CNTN5: variants seen among roughly 807,000 people sequenced by gnomAD.
The protein encoded by CNTN5 is contactin 5.
Under a neutral mutation model 129.1 loss-of-function variants are expected in CNTN5, and 77 were observed. The observed-to-expected ratio is 0.60, with a 90% CI of 0.50 to 0.72. CNTN5 has a LOEUF of 0.72. CNTN5 is among the 30% of genes least tolerant of loss of function. The pLI is 0.00. For missense variants in CNTN5, 1,478 were observed against 1,328.8 expected (o/e 1.11, Z -1.75); for synonymous variants, 509 against 465.6 (o/e 1.09, Z -1.20).
intron 3 of CNTN5, among the ~76,000 whole-genome samples, chr11:99,621,852 G>A (rs1191883956): frequency 6.6e-6 from 1 of 152,180 alleles, no homozygotes; most frequent in African/African-American, 2.4e-5. Context: ...ACATTTACCA[G>A]TGAGTATAGA....
At chr11:99,590,109 G>T (rs7931769) in intron 3 of CNTN5, among the ~76,000 whole-genome samples, 48,686 of 151,926 alleles carry the variant, frequency 0.32, 8,096 homozygotes, top group African/African-American at 0.41. Flanking sequence ...AGATGAACAG[G>T]CCTCTATGTA....
At chr11:100,127,365 C>T (rs1025938714) in intron 13 of CNTN5, among the ~76,000 whole-genome samples, 1 of 151,894 alleles carries the variant, frequency 6.6e-6, no homozygotes, top group Admixed American at 6.6e-5. Flanking sequence ...CCTTTGAAAG[C>T]AGTTATACGT....
At chr11:100,252,772 T>A (rs1013565695) in intron 16 of CNTN5, among the ~76,000 whole-genome samples, 16 of 152,280 alleles carry the variant, frequency 1.1e-4, no homozygotes, top group African/African-American at 3.4e-4. Flanking sequence ...TGGATCTCTC[T>A]CTCCACAGAC....
chr11:99,914,896 T>C (rs1462433915), intron 6 of CNTN5, among the ~76,000 whole-genome samples: 1 of 152,122 alleles, frequency 6.6e-6, no homozygotes, highest in Non-Finnish European at 1.5e-5. Flanking sequence ...TAGATTGTTA[T>C]AGACTAGTAA....
rs900091054 is a variant in CNTN5, at chr11:99,763,715, G to T, written c.56-55829G>T. On this transcript the variant is annotated intron_variant, in intron 3 of 24. Coordinates refer to ENST00000524871, the MANE Select transcript of CNTN5 (RefSeq NM_014361.4). ...AATTTAAGCAGCTGCTTACAAAAAAGATTATATTGATAACTTAATCCTAAA... is the reference window on the plus strand; with the variant it reads ...AATTTAAGCAGCTGCTTACAAAAAATATTATATTGATAACTTAATCCTAAA... Among the ~76,000 whole-genome samples the T allele has an allele frequency of 1.5e-4, 23 of 152,098 alleles. No individual in the cohort carries two copies. The South Asian group carries it at 4.6e-3, about 30-fold the overall frequency.
intron 9 of CNTN5, among the ~76,000 whole-genome samples, chr11:100,023,484 CTGAGACACCTACAGTGACAT>C (rs1336109916): frequency 1.3e-5 from 2 of 152,206 alleles, no homozygotes; most frequent in Non-Finnish European, 2.9e-5. Flanking sequence ...TTTTTTACAA[CTGAGACACCTACAGTGACAT>C]ATTATTATCA....
At chr11:99,638,806 C>A (rs912595331) in intron 3 of CNTN5, among the ~76,000 whole-genome samples, 1 of 152,168 alleles carries the variant, frequency 6.6e-6, no homozygotes, top group South Asian at 2.1e-4. Flanking sequence ...TACAGCCTCC[C>A]TCCCAGCTGC....
chr11:99,904,542 T>C (rs189957046), intron 6 of CNTN5, among the ~76,000 whole-genome samples: 71 of 152,320 alleles, frequency 4.7e-4, no homozygotes, highest in African/African-American at 1.7e-3. Flanking sequence ...AGTCTATCAT[T>C]GATGGGCATT....
At chr11:99,935,954 T>G (rs1950307404) in intron 7 of CNTN5, among the ~76,000 whole-genome samples, 2 of 152,144 alleles carry the variant, frequency 1.3e-5, no homozygotes, top group African/African-American at 4.8e-5. Context: ...TCACTTTTAG[T>G]TTTATAGAGG....
chr11:99,681,024 A>G (rs977233148), intron 3 of CNTN5, among the ~76,000 whole-genome samples: 1 of 151,980 alleles, frequency 6.6e-6, no homozygotes, highest in African/African-American at 2.4e-5. Flanking sequence ...GTAACTGAAG[A>G]TGTAAAAATA....
At chr11:99,087,193 A>C (rs1289777903) in intron 1 of CNTN5, among the ~76,000 whole-genome samples, 1 of 152,202 alleles carries the variant, frequency 6.6e-6, no homozygotes, top group Non-Finnish European at 1.5e-5. Flanking sequence ...TCTCACAGCA[A>C]TTCTCACATT....
At chr11:99,497,202 A>G (rs1946258537) in intron 2 of CNTN5, among the ~76,000 whole-genome samples, 1 of 152,240 alleles carries the variant, frequency 6.6e-6, no homozygotes, top group Admixed American at 6.5e-5. Flanking sequence ...GATGGGAAAA[A>G]TATTAACTTA....
intron 3 of CNTN5, among the ~76,000 whole-genome samples, chr11:99,721,558 T>A (rs1237397280): frequency 6.6e-6 from 1 of 152,058 alleles, no homozygotes; most frequent in Non-Finnish European, 1.5e-5. Flanking sequence ...AGTACCATCC[T>A]GGGCATAGGA....
chr11:99,576,881 A>G (rs1949367414), intron 3 of CNTN5, among the ~76,000 whole-genome samples: 1 of 152,134 alleles, frequency 6.6e-6, no homozygotes. Context: ...CAAAGTTCTC[A>G]TCTCTTCATA....
In CNTN5 at chr11:99,720,549, C is replaced by G. The variant is rs115634295; in HGVS notation, c.56-98995C>G. Among the ~76,000 whole-genome samples the G allele has an allele frequency of 3.1e-3, 479 of 152,202 alleles. 2 individuals are homozygous for G. Among genetic ancestry groups the G allele is most frequent in the African/African-American group, 0.011 (447 of 41,554 alleles). On this transcript the variant is annotated intron_variant, in intron 3 of 24. Coordinates refer to ENST00000524871, the MANE Select transcript of CNTN5 (RefSeq NM_014361.4). ...TGACAAACCCCTGGCCAACATTATA[C>G]TGAATGGGCAAAAGTTGGAAGCATT...
chr11:99,563,160 T>A (rs192094337), intron 3 of CNTN5, among the ~76,000 whole-genome samples: 28 of 152,030 alleles, frequency 1.8e-4, no homozygotes, highest in Non-Finnish European at 4.4e-5. Context: ...AGAAAGAGAG[T>A]GGTCAGCAGT....
intron 4 of CNTN5, among the ~76,000 whole-genome samples, chr11:99,825,664 A>G (rs575572062): frequency 1.6e-3 from 250 of 152,180 alleles, no homozygotes; most frequent in African/African-American, 5.8e-3. Flanking sequence ...GGTTTTGGAA[A>G]GTGTAAAATT....
intron 3 of CNTN5, among the ~76,000 whole-genome samples, chr11:99,687,645 G>A (rs1042895424): frequency 9.2e-5 from 14 of 152,120 alleles, no homozygotes; most frequent in African/African-American, 2.9e-4. Context: ...TAGGCTTTAT[G>A]AAAATGAATA....
intron 13 of CNTN5, among the ~76,000 whole-genome samples, chr11:100,147,169 T>C (rs1241951271): frequency 6.6e-6 from 1 of 152,116 alleles, no homozygotes; most frequent in Non-Finnish European, 1.5e-5. Flanking sequence ...TCAAATTTAC[T>C]CTGGAATAAG....
Sources: allele counts gnomAD v4.1 joint callset (sites outside exome capture counted in the v4.1 genomes callset), GRCh38; gene constraint gnomAD v4.1.1; transcripts MANE v1.5; gene names NCBI Gene and HGNC (gene_info 2026-07-23, HGNC 2026-07-21).